THSD7B: variants seen among roughly 807,000 people sequenced by gnomAD.
The protein encoded by THSD7B is thrombospondin type 1 domain containing 7B.
Under a neutral mutation model 213.6 loss-of-function variants are expected in THSD7B, and 138 were observed. The ratio of observed to expected loss-of-function variants is 0.65; its 90% CI spans 0.56 to 0.74. THSD7B has a LOEUF of 0.74. THSD7B is among the 30% of genes least tolerant of loss of function. The pLI is 0.00. For synonymous variants in THSD7B, 742 were observed against 687.0 expected, an observed-to-expected ratio of 1.08 and a Z score of -1.25; for missense variants, 1,931 against 1,991.5, an observed-to-expected ratio of 0.97 and a Z score of 0.58.
chr2:137,126,745 A>G (rs894720614), intron 5 of THSD7B, among the ~76,000 whole-genome samples: 1 of 152,198 alleles, frequency 6.6e-6, no homozygotes, highest in African/African-American at 2.4e-5. Context: ...CTTGGCTTTC[A>G]ACAAGCCTTC....
At chr2:137,556,716 G>A (rs959538997) in intron 15 of THSD7B, among the ~76,000 whole-genome samples, 5 of 152,106 alleles carry the variant, frequency 3.3e-5, no homozygotes, top group Admixed American at 1.3e-4. Flanking sequence ...ATGTAAATGG[G>A]CTAAATGCTC....
chr2:137,190,325 T>A (rs1249450527), intron 7 of THSD7B, among the ~76,000 whole-genome samples: 1 of 152,196 alleles, frequency 6.6e-6, no homozygotes, highest in African/African-American at 2.4e-5. Context: ...CATATCAATT[T>A]TTTTTCTGAT....
intron 7 of THSD7B, among the ~76,000 whole-genome samples, chr2:137,200,639 C>G (rs1279736106): frequency 6.6e-6 from 1 of 152,002 alleles, no homozygotes; most frequent in African/African-American, 2.4e-5. Context: ...CACATATGGT[C>G]CATACTGTAA....
intron 5 of THSD7B, among the ~76,000 whole-genome samples, chr2:137,139,789 G>C (rs1406376183): frequency 6.6e-6 from 1 of 152,116 alleles, no homozygotes; most frequent in Non-Finnish European, 1.5e-5. Flanking sequence ...AGATTCTGCT[G>C]TTGGCAATTT....
chr2:137,459,470 A>G (rs1687839923), intron 15 of THSD7B, among the ~76,000 whole-genome samples: 1 of 152,128 alleles, frequency 6.6e-6, no homozygotes. Flanking sequence ...GTTCGAGACC[A>G]GCCTGGCCAA....
At chr2:136,931,366 G>T (rs976863080) in intron 2 of THSD7B, among the ~76,000 whole-genome samples, 3 of 152,170 alleles carry the variant, frequency 2.0e-5, no homozygotes, top group African/African-American at 7.2e-5. Context: ...AGGTTAAATT[G>T]CTACTTACAA....
rs144595414 is a variant in THSD7B at position 136,982,121 on chromosome 2, G to C, written c.140-74299G>C. Among the ~76,000 whole-genome samples the C allele has an allele frequency of 1.6e-3, 251 of 152,228 alleles. 4 individuals are homozygous for C. In the East Asian group the frequency reaches 0.045, roughly 27 times the overall value. ...AAGCCATGGCAGACAGGCTGATCTTGAACTCCTAAATTCAAGTGATGCACC... is the reference window on the plus strand; with the variant it reads ...AAGCCATGGCAGACAGGCTGATCTTCAACTCCTAAATTCAAGTGATGCACC... On this transcript the variant is annotated intron_variant, in intron 2 of 27. Transcript: ENST00000409968.
chr2:137,396,568 A>G (rs1686194991), intron 12 of THSD7B, among the ~76,000 whole-genome samples: 1 of 141,100 alleles, frequency 7.1e-6, no homozygotes, highest in African/African-American at 2.6e-5. Context: ...TTTGCTGAGG[A>G]GAGCTTTACT....
chr2:137,291,195 T>C (rs1365713433), intron 12 of THSD7B, among the ~76,000 whole-genome samples: 1 of 151,974 alleles, frequency 6.6e-6, no homozygotes, highest in Non-Finnish European at 1.5e-5. Context: ...CTTTCTTAAC[T>C]TGTTGGAATC....
chr2:137,460,305 A>T (rs1009437712), intron 15 of THSD7B, among the ~76,000 whole-genome samples: 11 of 152,150 alleles, frequency 7.2e-5, no homozygotes, highest in African/African-American at 2.7e-4. Context: ...ATTATTAAAT[A>T]AGCTGAAGTG....
rs4954518 is a variant in THSD7B at position 137,498,089 on chromosome 2, T to A, written c.3138+47066T>A. On this transcript the variant is annotated intron_variant, in intron 15 of 27. Coordinates refer to ENST00000409968, the MANE Select transcript of THSD7B (RefSeq NM_001316349.2). ...AATCCAAGGCATATGGAACTTTCCC[T>A]TATATAAAATGGTACTACAACAGCT... 3.3e-5 allele frequency among the ~76,000 whole-genome samples: 5 copies of A among 152,120 alleles called. No homozygotes were observed. The East Asian group carries it at 5.8e-4, about 18-fold the overall frequency.
At chr2:136,850,606 T>C (rs764503534) in intron 1 of THSD7B, among the ~76,000 whole-genome samples, 48 of 151,634 alleles carry the variant, frequency 3.2e-4, no homozygotes, top group Non-Finnish European at 5.6e-4. Context: ...AAAAAAAAAA[T>C]GTGAGTATGG....
chr2:137,292,139 A>G (rs1683353010), intron 12 of THSD7B, among the ~76,000 whole-genome samples: 1 of 152,162 alleles, frequency 6.6e-6, no homozygotes, highest in Non-Finnish European at 1.5e-5. Flanking sequence ...TAATTTGAAA[A>G]TATTTGTTCA....
At chr2:137,432,558 T>C (rs1687209590) in intron 14 of THSD7B, among the ~76,000 whole-genome samples, 2 of 152,206 alleles carry the variant, frequency 1.3e-5, no homozygotes, top group African/African-American at 4.8e-5. Context: ...CCCCTTTCGT[T>C]CCTGTGCTCA....
At position 137,394,542 on chromosome 2, in the gene THSD7B, C is replaced by A. The variant is rs1418210360; in HGVS notation, c.2501-11071C>A. ...CTATATCTCTGTTTTGGTACCAGTA[C>A]CATGCTGTTTTGGTTACTGTAGCCT... On this transcript the variant is annotated intron_variant, in intron 12 of 27. Transcript: ENST00000409968. 1.5e-5 allele frequency among the ~76,000 whole-genome samples: 2 copies of A among 135,416 alleles called. 1 individual carries two copies. Among genetic ancestry groups the A allele is most frequent in the African/African-American group, 5.5e-5 (2 of 36,510 alleles). The allele number at this position is 135,416 out of a possible 152,430, so 88.8% of individuals were successfully genotyped here.
chr2:137,189,653 T>C lies in THSD7B; in HGVS notation c.1723+18715T>C, dbSNP rs373338028. Among the ~76,000 whole-genome samples the C allele has an allele frequency of 2.6e-5, 4 of 152,006 alleles. No homozygotes were observed. The East Asian group carries it at 7.8e-4, about 30-fold the overall frequency. On this transcript the variant is annotated intron_variant, in intron 7 of 27. Coordinates refer to ENST00000409968, the MANE Select transcript of THSD7B (RefSeq NM_001316349.2). ...ACTTTCTGGTCACTTCGTACCCGTCTCTACTTGCCATGGTACCATGCTCTG... is the reference window on the plus strand; with the variant it reads ...ACTTTCTGGTCACTTCGTACCCGTCCCTACTTGCCATGGTACCATGCTCTG...
At chr2:137,237,314 T>C (rs1292472469) in intron 9 of THSD7B, among the ~76,000 whole-genome samples, 1 of 152,220 alleles carries the variant, frequency 6.6e-6, no homozygotes, top group Non-Finnish European at 1.5e-5. Context: ...GGGCCATGTA[T>C]GCTTACTAGC....
intron 2 of THSD7B, among the ~76,000 whole-genome samples, chr2:136,912,268 G>C (rs1459867147): frequency 7.4e-6 from 1 of 134,944 alleles, no homozygotes; most frequent in African/African-American, 2.8e-5. Flanking sequence ...GTTGCAGTGA[G>C]TTGAGATAGT....
intron 15 of THSD7B, among the ~76,000 whole-genome samples, chr2:137,545,074 A>T (rs1680682954): frequency 6.6e-6 from 1 of 151,746 alleles, no homozygotes; most frequent in Non-Finnish European, 1.5e-5. Flanking sequence ...CAATGTTAGT[A>T]AGTATTCAAA....
Sources: allele counts gnomAD v4.1 joint callset (sites outside exome capture counted in the v4.1 genomes callset), GRCh38; gene constraint gnomAD v4.1.1; transcripts MANE v1.5; gene names NCBI Gene and HGNC (gene_info 2026-07-23, HGNC 2026-07-21).